Variants in COL14A1 observed in about 807,000 individuals in gnomAD.
The protein encoded by COL14A1 is collagen alpha-1(XIV) chain.
In COL14A1, 136 loss-of-function variants were observed where a neutral mutation model predicts 230.3. That is an observed-to-expected ratio of 0.59 (90% confidence interval 0.51 to 0.68). COL14A1 has a LOEUF of 0.68. Among genes scored for constraint, COL14A1 ranks in the 30% least tolerant of loss-of-function variants. The pLI is 0.00. For synonymous variants in COL14A1, 792 were observed against 784.1 expected, an observed-to-expected ratio of 1.01 and a Z score of -0.17; for missense variants, 1,976 against 2,215.8, an observed-to-expected ratio of 0.89 and a Z score of 2.17.
chr8:120,369,619 T>C (rs991693244), intron 47 of COL14A1, 134 bp downstream of exon 47: 2 of 849,892 alleles, frequency 2.4e-6, no homozygotes, highest in African/African-American at 3.5e-5. Context: ...ATGCCTCACT[T>C]CCTTAAATTA....
chr8:120,315,029 T>A (rs1352232344), intron 38 of COL14A1, among the ~76,000 whole-genome samples: 2 of 152,198 alleles, frequency 1.3e-5, no homozygotes, highest in African/African-American at 4.8e-5. Flanking sequence ...AATGTTCAGC[T>A]CCATAGGAAT....
At position 120,283,631 on chromosome 8, in the gene COL14A1, T is replaced by A. The variant is rs1820106489; in HGVS notation, c.3825-5T>A. ...AATGAAACATGGTTTTCTTTCTATG[T>A]TCAGGTACTTGCACCCAGAAGGATT... On this transcript the variant is annotated splice_polypyrimidine_tract_variant and splice_region_variant and intron_variant, in intron 31 of 47. Coordinates refer to ENST00000297848, the MANE Select transcript of COL14A1 (RefSeq NM_021110.4). The A allele has an allele frequency of 6.2e-7, 1 of 1,601,660 alleles. No homozygotes were observed.
chr8:120,143,102 A>G (rs1054501983), intron 1 of COL14A1, among the ~76,000 whole-genome samples: 2 of 152,206 alleles, frequency 1.3e-5, no homozygotes, highest in Non-Finnish European at 2.9e-5. Context: ...TAGGAGTTAT[A>G]GAACCCAACA....
chr8:120,304,089 C>T (rs1231674343), intron 36 of COL14A1, among the ~76,000 whole-genome samples: 1 of 151,998 alleles, frequency 6.6e-6, no homozygotes, highest in Non-Finnish European at 1.5e-5. Flanking sequence ...TGTAACATCC[C>T]CTTTGTCATT....
intron 5 of COL14A1, among the ~76,000 whole-genome samples, chr8:120,179,031 T>C (rs889866818): frequency 1.3e-5 from 2 of 152,178 alleles, no homozygotes; most frequent in Non-Finnish European, 2.9e-5. Flanking sequence ...CTGTTGCCTG[T>C]TCACTCTGAT....
At chr8:120,147,635 A>C (rs1185706251) in intron 1 of COL14A1, among the ~76,000 whole-genome samples, 171 bp from the exon 2 acceptor site, 2 of 152,202 alleles carry the variant, frequency 1.3e-5, no homozygotes, top group African/African-American at 4.8e-5. Flanking sequence ...GCACCTTCTA[A>C]AAAGTCTTTT....
intron 26 of COL14A1, among the ~76,000 whole-genome samples, chr8:120,270,802 A>G (rs1277961401): frequency 6.6e-6 from 1 of 151,796 alleles, no homozygotes. Context: ...CAGCCATTAG[A>G]TAAAGCACTT....
intron 5 of COL14A1, among the ~76,000 whole-genome samples, chr8:120,177,438 C>T (rs1009653219): frequency 6.6e-6 from 1 of 151,802 alleles, no homozygotes; most frequent in African/African-American, 2.4e-5. Context: ...CACTTGAGGC[C>T]ACGAGTTCAA....
chr8:120,147,056 C>G (rs191541789), intron 1 of COL14A1, among the ~76,000 whole-genome samples: 1 of 151,894 alleles, frequency 6.6e-6, no homozygotes, highest in African/African-American at 2.4e-5. Flanking sequence ...CCCTTTCTTT[C>G]CCTTCTTTTT....
chr8:120,240,182 TG>T (rs1818570308), intron 19 of COL14A1, among the ~76,000 whole-genome samples: 1 of 93,694 alleles, frequency 1.1e-5, no homozygotes, highest in Admixed American at 1.1e-4. Flanking sequence ...TTTGCAAAAC[TG>T]TTTTTTTTTT....
chr8:120,267,646 C>T (rs962094239), intron 25 of COL14A1, among the ~76,000 whole-genome samples: 1 of 151,820 alleles, frequency 6.6e-6, no homozygotes, highest in Admixed American at 6.6e-5. Context: ...GGATGAATAG[C>T]ACTCGGTGTC....
intron 14 of COL14A1, among the ~76,000 whole-genome samples, chr8:120,217,740 A>G (rs1586775438): frequency 1.3e-5 from 2 of 152,102 alleles, no homozygotes; most frequent in Middle Eastern, 3.4e-3. Flanking sequence ...GGAGCAGTAA[A>G]AAGATTGAAA....
At chr8:120,233,679 A>G (rs1818351060) in intron 19 of COL14A1, among the ~76,000 whole-genome samples, 1 of 151,858 alleles carries the variant, frequency 6.6e-6, no homozygotes, top group South Asian at 2.1e-4. Flanking sequence ...TGGTTTATAT[A>G]TCTGTTTTGG....
chr8:120,152,453 C>T (rs933070135), intron 2 of COL14A1, among the ~76,000 whole-genome samples: 4 of 111,778 alleles, frequency 3.6e-5, no homozygotes, highest in Non-Finnish European at 6.6e-5. Flanking sequence ...TTGGGCGACA[C>T]AGCGAGATTC....
In COL14A1 at chr8:120,371,676, C is replaced by T; in HGVS notation, c.*445C>T. The T allele has an allele frequency of 2.5e-6, 1 of 398,364 alleles. No homozygotes were observed. The highest frequency in any genetic ancestry group is 2.1e-5 in the African/African-American group (1 of 48,678). The allele number at this position is 398,364 out of a possible 1,614,324, so 24.7% of individuals were successfully genotyped here. ...CCTACTTGCTGTAGGAATAACCTTG[C>T]TGATAAGAAAAAAAGGGACAATATT... On this transcript the variant is annotated 3_prime_UTR_variant, in exon 48 of 48. Coordinates refer to ENST00000297848, the MANE Select transcript of COL14A1 (RefSeq NM_021110.4).
intron 4 of COL14A1, among the ~76,000 whole-genome samples, chr8:120,163,985 G>C (rs1321276479): frequency 6.6e-6 from 1 of 152,062 alleles, no homozygotes; most frequent in Non-Finnish European, 1.5e-5. Context: ...TCCTCTTCCT[G>C]AAAGCAGTGT....
At chr8:120,265,641 A>ATG (rs139005711) in intron 24 of COL14A1, among the ~76,000 whole-genome samples, 21,432 of 150,342 alleles carry the variant, frequency 0.14, 1,610 homozygotes, top group Non-Finnish European at 0.16. Flanking sequence ...AGGTATATAT[A>ATG]TGTGTGTGTG....
intron 1 of COL14A1, among the ~76,000 whole-genome samples, chr8:120,145,776 G>A (rs1193586448): frequency 1.3e-5 from 2 of 152,164 alleles, no homozygotes; most frequent in African/African-American, 4.8e-5. Flanking sequence ...GAAGCAATCT[G>A]TATTTCCAAA....
At chr8:120,153,157 GA>G (rs920255954) in intron 2 of COL14A1, among the ~76,000 whole-genome samples, 6 of 152,120 alleles carry the variant, frequency 3.9e-5, no homozygotes, top group Admixed American at 2.6e-4. Flanking sequence ...ACATTTAACT[GA>G]AAAAAATGAC....
Sources: gnomAD v4.1 joint callset for allele counts (sites outside exome capture counted in the v4.1 genomes callset) on GRCh38, gnomAD v4.1.1 for gene constraint, MANE v1.5 for transcripts, NCBI Gene and HGNC (gene_info 2026-07-23, HGNC 2026-07-21) for gene names.